HTT-AS: variants seen among roughly 807,000 people sequenced by gnomAD.
The protein encoded by HTT-AS is HTT antisense RNA.
At chr4:3,068,305 C>CAAAAA (rs759119862) in intron 1 of HTT-AS, among the ~76,000 whole-genome samples, 1 of 13,068 alleles carries the variant, frequency 7.7e-5, no homozygotes, top group African/African-American at 2.3e-4. Context: ...GACTCTGTCT[C>CAAAAA]AAAAAAAAAA....
Position 3,061,940 on chromosome 4 carries a change from C to T in HTT-AS, n.1380+494G>A, listed in dbSNP as rs189968042. ...GAGCTTGCAGTGAGCCGAGATCACACCACTGCACTCCAGCCCGGACGACAG... is the reference window on the plus strand; with the variant it reads ...GAGCTTGCAGTGAGCCGAGATCACATCACTGCACTCCAGCCCGGACGACAG... On this transcript the variant is annotated intron_variant and non_coding_transcript_variant, in intron 2 of 2. Transcript: ENST00000664062. Among the ~76,000 whole-genome samples the T allele has an allele frequency of 2.7e-5, 4 of 146,310 alleles. No individual in the cohort carries two copies. In the East Asian group the frequency reaches 8.0e-4, roughly 29 times the overall value.
At chr4:3,065,874 C>A (rs1299774137) in intron 1 of HTT-AS, among the ~76,000 whole-genome samples, 1 of 152,234 alleles carries the variant, frequency 6.6e-6, no homozygotes, top group Non-Finnish European at 1.5e-5. Context: ...TGAATGTGTA[C>A]TGCTTTTGCA....
At chr4:3,062,193 CTAA>C (rs1711940218) in intron 2 of HTT-AS, among the ~76,000 whole-genome samples, 1 of 151,822 alleles carries the variant, frequency 6.6e-6, no homozygotes, top group Non-Finnish European at 1.5e-5. Context: ...CCACACGTGG[CTAA>C]TGTTTTATTT....
At chr4:3,070,504 G>T (rs61792460) in intron 1 of HTT-AS, among the ~76,000 whole-genome samples, 1 of 151,994 alleles carries the variant, frequency 6.6e-6, no homozygotes, top group Non-Finnish European at 1.5e-5. Context: ...TTGGTCAGGC[G>T]GACTTGAACT....
chr4:3,069,328 A>T (rs113587927), intron 1 of HTT-AS, among the ~76,000 whole-genome samples: 14,764 of 145,826 alleles, frequency 0.1, 1,211 homozygotes, highest in African/African-American at 0.23. Flanking sequence ...TTTTTTTTTT[A>T]AATATTTAGT....
At chr4:3,055,263 A>G (rs1372300471) in intron 2 of HTT-AS, among the ~76,000 whole-genome samples, 2 of 150,934 alleles carry the variant, frequency 1.3e-5, no homozygotes, top group Non-Finnish European at 2.9e-5. Flanking sequence ...GCGCCACTGC[A>G]CTCCAGCCTG....
At chr4:3,057,440 A>T (rs1271327024) in intron 2 of HTT-AS, among the ~76,000 whole-genome samples, 1 of 152,092 alleles carries the variant, frequency 6.6e-6, no homozygotes, top group Non-Finnish European at 1.5e-5. Flanking sequence ...CATTGTACAT[A>T]TGTTACTGGA....
chr4:3,051,044 G>GTGTGTT (rs1280789461), intron 2 of HTT-AS, among the ~76,000 whole-genome samples: 1 of 148,640 alleles, frequency 6.7e-6, no homozygotes, highest in Non-Finnish European at 1.5e-5. Context: ...GTGTGTGTGT[G>GTGTGTT]TGTGTGTGTG....
At chr4:3,056,548 A>G (rs997574950) in intron 2 of HTT-AS, among the ~76,000 whole-genome samples, 1 of 152,198 alleles carries the variant, frequency 6.6e-6, no homozygotes, top group South Asian at 2.1e-4. Flanking sequence ...CAAATACAGA[A>G]GTACAGAGTC....
chr4:3,060,330 C>A (rs1711901205), intron 2 of HTT-AS, among the ~76,000 whole-genome samples: 1 of 152,036 alleles, frequency 6.6e-6, no homozygotes, highest in East Asian at 1.9e-4. Context: ...CATTTTAAAG[C>A]ATCTTTAGAA....
At chr4:3,052,486 T>G (rs903934928) in intron 2 of HTT-AS, among the ~76,000 whole-genome samples, 3 of 152,164 alleles carry the variant, frequency 2.0e-5, no homozygotes, top group African/African-American at 4.8e-5. Context: ...CCCCAGAAAT[T>G]GGAAGTAGAT....
intron 2 of HTT-AS, among the ~76,000 whole-genome samples, chr4:3,055,635 T>C (rs1711792046): frequency 6.6e-6 from 1 of 152,226 alleles, no homozygotes. Flanking sequence ...CCACTTTCCA[T>C]GCCTAACGTG....
intron 2 of HTT-AS, among the ~76,000 whole-genome samples, chr4:3,052,449 G>C (rs1450339852): frequency 6.6e-6 from 1 of 152,048 alleles, no homozygotes; most frequent in Admixed American, 6.5e-5. Context: ...CCCCGTTTTG[G>C]GAAAAAACTC....
At chr4:3,062,626 G>A (rs987920738) in exon 2 of HTT-AS, among the ~76,000 whole-genome samples, 6 of 151,852 alleles carry the variant, frequency 4.0e-5, no homozygotes, top group Non-Finnish European at 7.4e-5. Flanking sequence ...TTCAGCCCCC[G>A]TCCAAGGTCC....
At chr4:3,061,913 C>T (rs1452162067) in intron 2 of HTT-AS, among the ~76,000 whole-genome samples, 6 of 133,120 alleles carry the variant, frequency 4.5e-5, no homozygotes, top group Admixed American at 8.3e-5. Flanking sequence ...ACCGGGGAGG[C>T]GGAGCTTGCA....
At chr4:3,060,622 G>A (rs1230721206) in intron 2 of HTT-AS, among the ~76,000 whole-genome samples, 1 of 152,162 alleles carries the variant, frequency 6.6e-6, no homozygotes, top group African/African-American at 2.4e-5. Context: ...CTAACAAAGA[G>A]CAGCCTGTAA....
intron 2 of HTT-AS, among the ~76,000 whole-genome samples, chr4:3,055,909 C>T (rs886877283): frequency 3.9e-5 from 6 of 152,294 alleles, no homozygotes; most frequent in African/African-American, 1.4e-4. Context: ...GGATCCAGGC[C>T]GGTTAATTAC....
chr4:3,053,493 A>G (rs1368623761), intron 2 of HTT-AS, among the ~76,000 whole-genome samples: 1 of 152,236 alleles, frequency 6.6e-6, no homozygotes, highest in African/African-American at 2.4e-5. Context: ...AGATTGTGCC[A>G]CTGCACCCAA....
At chr4:3,047,096 G>A (rs1393886293), downstream of HTT-AS, among the ~76,000 whole-genome samples, 4 of 152,326 alleles carry the variant, frequency 2.6e-5, no homozygotes, top group East Asian at 7.7e-4. Flanking sequence ...CAGATCATGA[G>A]GTCAGGAGAT....
Sources: gnomAD v4.1 joint callset for allele counts (sites outside exome capture counted in the v4.1 genomes callset) on GRCh38, gnomAD v4.1.1 for gene constraint, MANE v1.5 for transcripts, NCBI Gene and HGNC (gene_info 2026-07-23, HGNC 2026-07-21) for gene names.